The following HIVEP3 variants were observed in gnomAD, a reference collection of about 807,000 sequenced individuals.
HIVEP3 encodes HIVEP zinc finger 3.
In HIVEP3, 49 loss-of-function variants were observed where a neutral mutation model predicts 152.8. The ratio of observed to expected loss-of-function variants is 0.32; its 90% CI spans 0.26 to 0.41. The LOEUF (loss-of-function observed/expected upper bound fraction) is 0.41. Among genes scored for constraint, HIVEP3 ranks in the 10% least tolerant of loss-of-function variants. The probability of loss-of-function intolerance (pLI) is 1.00; values close to 1 mark genes in which losing one functional copy is unlikely to be tolerated. For synonymous variants in HIVEP3, 1,269 were observed against 1,289.0 expected, an observed-to-expected ratio of 0.98 and a Z score of 0.33; for missense variants, 2,790 against 3,103.3, an observed-to-expected ratio of 0.90 and a Z score of 2.40.
chr1:41,513,156 C>T lies in HIVEP3; in HGVS notation c.6065G>A (p.Gly2022Asp). The T allele has an allele frequency of 6.2e-7, 1 of 1,613,826 alleles. No homozygotes were observed. The change falls in exon 8 of 9, where the codon GGC becomes GAC. Residue 2022 changes from glycine (G) to aspartate (D), a missense_variant. This residue lies in a region of HIVEP3 where 816 missense variants were observed against 806.5 expected (regional missense o/e 1.01). Transcript: ENST00000372583. ...TCTTGGAGACCCACAAGGGAGAGCG[C>T]CCATGCCCCTTCCTGGGTCCACGTG... is the stretch of plus-strand genomic sequence containing the variant. ...GLHVDPGRGMGALPCGSPRLQ... is the reference protein window; with the variant it reads ...GLHVDPGRGMDALPCGSPRLQ...
chr1:41,786,380 C>T (rs1649348729), intron 1 of HIVEP3, among the ~76,000 whole-genome samples: 2 of 152,144 alleles, frequency 1.3e-5, no homozygotes, highest in Admixed American at 1.3e-4. Flanking sequence ...CAGGGCCTGC[C>T]CCACTTCTCA....
At chr1:41,839,787 G>C (rs1244009333) in intron 1 of HIVEP3, among the ~76,000 whole-genome samples, 2 of 152,206 alleles carry the variant, frequency 1.3e-5, no homozygotes, top group African/African-American at 2.4e-5. Flanking sequence ...CAGAGTAACG[G>C]TCTACCTTGC....
At chr1:41,748,551 C>T (rs1233833149) in intron 1 of HIVEP3, among the ~76,000 whole-genome samples, 3 of 152,216 alleles carry the variant, frequency 2.0e-5, no homozygotes, top group African/African-American at 7.2e-5. Context: ...ATCATGGCAA[C>T]AATAAGGGCG....
intron 2 of HIVEP3, among the ~76,000 whole-genome samples, chr1:41,639,792 G>A (rs552831280): frequency 3.9e-5 from 6 of 152,192 alleles, no homozygotes; most frequent in Admixed American, 3.3e-4. Flanking sequence ...GTCCCCAGCT[G>A]TGTTCTCCAG....
intron 1 of HIVEP3, among the ~76,000 whole-genome samples, chr1:41,945,668 G>A (rs1273056934): frequency 6.6e-6 from 1 of 152,174 alleles, no homozygotes; most frequent in African/African-American, 2.4e-5. Flanking sequence ...ATCAGAACAT[G>A]GAGATTGGTG....
At chr1:41,997,443 G>A (rs892292104) in intron 1 of HIVEP3, among the ~76,000 whole-genome samples, 8 of 152,172 alleles carry the variant, frequency 5.3e-5, no homozygotes, top group Admixed American at 4.6e-4. Flanking sequence ...CAAAAGATAC[G>A]CCATGCAGTT....
At chr1:41,958,683 A>AGGCTT (rs1443140378) in intron 1 of HIVEP3, among the ~76,000 whole-genome samples, 3 of 152,198 alleles carry the variant, frequency 2.0e-5, no homozygotes, top group Admixed American at 1.3e-4. Flanking sequence ...AAAAATCCCA[A>AGGCTT]GGCTTGGCTT....
At chr1:41,919,602 C>A (rs148165972), upstream of HIVEP3, among the ~76,000 whole-genome samples, 894 of 152,286 alleles carry the variant, frequency 5.9e-3, 30 homozygotes, top group Admixed American at 0.053. Context: ...CAGACTTAGG[C>A]CCTTCTTCAA....
At position 41,510,429 on chromosome 1, in the gene HIVEP3, T is replaced by G; in HGVS notation, c.*22A>C. 1 of 1,453,878 alleles carries G rather than the reference T, an allele frequency of 6.9e-7. No individual in the cohort carries two copies. The highest frequency in any genetic ancestry group is 9.1e-7 in the Non-Finnish European group (1 of 1,100,810). The allele number at this position is 1,453,878 out of a possible 1,614,324, so 90.1% of individuals were successfully genotyped here. A position where few individuals can be genotyped will look rare whatever the true frequency, so the allele number is the denominator to read the frequency against. ...CTGTTGCTGGACACTGGAAGCCAGA[T>G]GCTGAAGCAGTTGGAGAGAGGCTAA... On this transcript the variant is annotated 3_prime_UTR_variant, in exon 9 of 9. Coordinates refer to ENST00000372583, the MANE Select transcript of HIVEP3 (RefSeq NM_024503.5).
At chr1:41,850,095 C>T (rs1643555551) in intron 1 of HIVEP3, among the ~76,000 whole-genome samples, 1 of 152,240 alleles carries the variant, frequency 6.6e-6, no homozygotes, top group Non-Finnish European at 1.5e-5. Flanking sequence ...TTTGGTTACA[C>T]TCCTACGGTT....
At chr1:41,741,599 GTAGCCCATGA>G (rs1646997208) in intron 1 of HIVEP3, among the ~76,000 whole-genome samples, 1 of 152,236 alleles carries the variant, frequency 6.6e-6, no homozygotes, top group South Asian at 2.1e-4. Context: ...ACACAGAGAG[GTAGCCCATGA>G]TACAGGTGAG....
intron 1 of HIVEP3, among the ~76,000 whole-genome samples, chr1:41,836,955 C>A (rs186492252): frequency 6.6e-6 from 1 of 152,236 alleles, no homozygotes; most frequent in African/African-American, 2.4e-5. Context: ...ATCCCCTACA[C>A]AGCAGATCAT....
intron 1 of HIVEP3, among the ~76,000 whole-genome samples, chr1:41,761,226 G>A (rs1205610517): frequency 6.6e-6 from 1 of 152,242 alleles, no homozygotes; most frequent in African/African-American, 2.4e-5. Context: ...GCATATGTGT[G>A]TGTGCACATG....
chr1:41,787,222 C>T (rs1206354036), intron 1 of HIVEP3, among the ~76,000 whole-genome samples: 1 of 152,170 alleles, frequency 6.6e-6, no homozygotes, highest in African/African-American at 2.4e-5. Context: ...GATGCATGCA[C>T]TACGCCGCAA....
In HIVEP3 at chr1:41,513,350, G is replaced by A. The variant is rs1452781707; in HGVS notation, c.5871C>T (p.Ala1957=). Residue 1957 remains alanine, a synonymous_variant, in exon 8 of 9, where the codon GCC becomes GCT. Coordinates refer to ENST00000372583, the MANE Select transcript of HIVEP3 (RefSeq NM_024503.5). The stretch of plus-strand genomic sequence containing the variant: ...TTGGGGACACAGGCTTGTAGCTCAA[G>A]GCTGAGCCTGTGTCTTTCTCCACAG... ...LGSVEKDTGS[A]LSYKPVSPRR... 1 of 1,612,482 alleles carries A rather than the reference G, an allele frequency of 6.2e-7. No individual in the cohort carries two copies.
rs1480991115 is a variant in HIVEP3 at position 41,581,260 on chromosome 1, G to A, written c.3538C>T (p.Pro1180Ser). The A allele has an allele frequency of 6.3e-7, 1 of 1,597,068 alleles. No individual in the cohort carries two copies. Among genetic ancestry groups the A allele is most frequent in the South Asian group, 1.1e-5 (1 of 87,942 alleles). ...GCTTGAAATAAGGAGGGAGGAAGTG[G>A]GGGCATGGAGTATGGTGAGGACAGG... ...SLLSSPYSMP[P>S]LPPSLFQAPP... The change falls in exon 4 of 9, where the codon CCA (proline) becomes TCA (serine). Residue 1180 changes from proline (P) to serine (S), a missense_variant. Physicochemically the swap from Pro to Ser is moderately conservative, Grantham distance 74. This residue lies in a region of HIVEP3 where 1,078 missense variants were observed against 1,165.3 expected (regional missense o/e 0.93). Transcript: ENST00000372583. The surrounding 1 kb of genome is among the most constrained non-coding windows in gnomAD (Gnocchi z 4.5).
chr1:42,027,706 T>TA lies in HIVEP3; in HGVS notation n.119+8100dup, dbSNP rs1224869810. ...GAACAAAAAGAGGTTTAACTGGACT[T>TA]ACAGTTCCGCATGGCTGGGGAGGCC... On this transcript the variant is annotated intron_variant and non_coding_transcript_variant, in intron 1 of 3. Coordinates refer to the HIVEP3 transcript ENST00000489103. Among the ~76,000 whole-genome samples the TA allele has an allele frequency of 1.8e-4, 27 of 152,198 alleles. 1 individual carries two copies. The highest frequency in any genetic ancestry group is 2.9e-5 in the Non-Finnish European group (2 of 68,036).
intron 2 of HIVEP3, among the ~76,000 whole-genome samples, chr1:41,671,875 GC>G (rs1318853163): frequency 1.3e-5 from 2 of 152,182 alleles, no homozygotes; most frequent in African/African-American, 4.8e-5. Flanking sequence ...CAGTGGAAAA[GC>G]CAGGAAAAGC....
At position 41,664,106 on chromosome 1, in the gene HIVEP3, C is replaced by T. The variant is rs1234781274; in HGVS notation, c.-720-35159G>A. Reference sequence around the variant, plus strand: ...CCCTTTGAAATGTCTTCTCCACCCCCTCCAGCTGTCCTTCACACCCTGAAT... The same window carrying T: ...CCCTTTGAAATGTCTTCTCCACCCCTTCCAGCTGTCCTTCACACCCTGAAT... On this transcript the variant is annotated intron_variant, in intron 2 of 8. Coordinates refer to ENST00000372583, the MANE Select transcript of HIVEP3 (RefSeq NM_024503.5). The surrounding 1 kb of genome is among the most constrained non-coding windows in gnomAD (Gnocchi z 4.4). Among the ~76,000 whole-genome samples the T allele has an allele frequency of 6.6e-6, 1 of 152,216 alleles. No individual in the cohort carries two copies.
Sources: gnomAD v4.1 joint callset for allele counts (sites outside exome capture counted in the v4.1 genomes callset) on GRCh38, gnomAD v4.1.1 for gene constraint, gnomAD v4.1.1 regional missense constraint, Gnocchi (gnomAD v3.1) non-coding constraint, MANE v1.5 for transcripts, NCBI Gene and HGNC (gene_info 2026-07-23, HGNC 2026-07-21) for gene names.